PLCB2: variants seen among roughly 807,000 people sequenced by gnomAD.
PLCB2 encodes phospholipase C beta 2, also known as 1-phosphatidylinositol 4,5-bisphosphate phosphodiesterase beta-2.
In PLCB2, 115 loss-of-function variants were observed where a neutral mutation model predicts 141.7. The observed-to-expected ratio is 0.81, with a 90% CI of 0.70 to 0.95. PLCB2 has a LOEUF of 0.95. PLCB2 is among the 40% of genes least tolerant of loss of function. PLCB2 has a pLI of 0.00. For missense variants in PLCB2, 1,403 were observed against 1,541.1 expected (o/e 0.91, Z 1.50); for synonymous variants, 603 against 595.6 (o/e 1.01, Z -0.18).
At position 40,288,095 on chromosome 15, in the gene PLCB2, C is replaced by G. The variant is rs2039652578; in HGVS notation, c.*620G>C. The G allele has an allele frequency of 1.2e-5, 12 of 985,440 alleles. No homozygotes were observed. Among genetic ancestry groups the G allele is most frequent in the Non-Finnish European group, 1.4e-5 (12 of 829,898 alleles). 61.0% of individuals were successfully genotyped at this position (985,440 alleles called of 1,614,324 possible). On this transcript the variant is annotated 3_prime_UTR_variant, in exon 32 of 32. Transcript: ENST00000260402. ...GTCAGGGTGGAACAGCACCCAAGAGCCCACTGCCCCTTGTGACTCAGCCAA... is the reference window on the plus strand; with the variant it reads ...GTCAGGGTGGAACAGCACCCAAGAGGCCACTGCCCCTTGTGACTCAGCCAA...
chr15:40,301,580 C>A (rs1434601813), intron 7 of PLCB2: 7 of 702,958 alleles, frequency 1.0e-5, no homozygotes, highest in Non-Finnish European at 1.3e-5. Context: ...CTGCCGCCTG[C>A]CACTGCCGAC....
chr15:40,293,773 C>G (rs2040054327), intron 19 of PLCB2, 49 bp from the exon 20 acceptor site: 2 of 1,588,592 alleles, frequency 1.3e-6, no homozygotes, highest in Non-Finnish European at 1.7e-6. Context: ...CACCCAGGCT[C>G]TTCCCCAAGC....
intron 24 of PLCB2, 97 bp downstream of exon 24, chr15:40,291,752 G>A (rs1473740024): frequency 1.2e-6 from 2 of 1,603,112 alleles, no homozygotes; most frequent in Non-Finnish European, 8.5e-7. Context: ...TGTGCCCCCT[G>A]CCCCGCACTT....
rs1209441333 is a variant in PLCB2, at chr15:40,299,381, G to A, written c.583-153C>T. 5.1e-6 allele frequency: 3 copies of A among 593,724 alleles called. No homozygotes were observed. The Admixed American group carries it at 8.7e-5, about 17-fold the overall frequency. 36.8% of individuals were successfully genotyped at this position (593,724 alleles called of 1,614,324 possible). A position where few individuals can be genotyped will look rare whatever the true frequency, so the allele number is the denominator to read the frequency against. On this transcript the variant is annotated intron_variant, in intron 7 of 31. Coordinates refer to ENST00000260402, the MANE Select transcript of PLCB2 (RefSeq NM_004573.3). Reference sequence around the variant, plus strand: ...GGACACCCAAGCATCCACTTCTCAAGGCCCTGGTTGCTGAGCAGAGAGCAT... The same window carrying A: ...GGACACCCAAGCATCCACTTCTCAAAGCCCTGGTTGCTGAGCAGAGAGCAT...
chr15:40,284,643 C>T, downstream of PLCB2: 1 of 438,484 alleles, frequency 2.3e-6, no homozygotes, highest in Non-Finnish European at 4.5e-6. Context: ...GGATCGAGAC[C>T]ATCCTGGCCA....
At position 40,297,732 on chromosome 15, in the gene PLCB2, A is replaced by C; in HGVS notation, c.1239-127T>G. On this transcript the variant is annotated intron_variant, in intron 12 of 31. Coordinates refer to ENST00000260402, the MANE Select transcript of PLCB2 (RefSeq NM_004573.3). This position sits in a 1 kb window ranked among gnomAD's most constrained non-coding sequence, Gnocchi z 4.2. ...AGGGAGGCTGGGACTCGAGCAGGAG[A>C]ACATGAGGCCTTAGGGTGATTATAC... 13 of 942,610 alleles carry C rather than the reference A, an allele frequency of 1.4e-5. No individual in the cohort carries two copies. The highest frequency in any genetic ancestry group is 2.2e-5 in the Non-Finnish European group (13 of 595,266). The allele number at this position is 942,610 out of a possible 1,614,324, so 58.4% of individuals were successfully genotyped here. A position where few individuals can be genotyped will look rare whatever the true frequency, so the allele number is the denominator to read the frequency against.
Position 40,298,592 on chromosome 15 carries a change from T to C in PLCB2, c.967A>G (p.Ile323Val), listed in dbSNP as rs930322531. ...DMTQPLNHYF[I>V]NSSHNTYLTA... is the part of the protein sequence containing the mutation. ...AGGTAGGTGTTGTGGGACGAGTTGA[T>C]GAAGTAATGATTGAGTGGCTGCGTC... Residue 323 changes from isoleucine (I) to valine (V), a missense_variant, in exon 10 of 32, where the codon ATC (isoleucine) becomes GTC (valine). This residue lies in a region of PLCB2 where 975 missense variants were observed against 1,141.1 expected (regional missense o/e 0.85). Coordinates refer to ENST00000260402, the MANE Select transcript of PLCB2 (RefSeq NM_004573.3). 6.8e-6 allele frequency: 11 copies of C among 1,614,056 alleles called. No individual in the cohort carries two copies. The highest frequency in any genetic ancestry group is 1.6e-4 in the Middle Eastern group (1 of 6,084).
At chr15:40,290,201 G>A in intron 29 of PLCB2, 119 bp from the exon 30 acceptor site, 2 of 739,588 alleles carry the variant, frequency 2.7e-6, no homozygotes, top group Non-Finnish European at 2.5e-6. Flanking sequence ...GAACCAGCTG[G>A]GGGCAGGTGT....
chr15:40,285,838 T>C (rs2039602307), downstream of PLCB2: 1 of 985,330 alleles, frequency 1.0e-6, no homozygotes, highest in African/African-American at 1.7e-5. Context: ...AAACCCAGAA[T>C]GGGCACTTTC....
chr15:40,295,658 A>C (rs1369206640), intron 16 of PLCB2, among the ~76,000 whole-genome samples: 1 of 152,204 alleles, frequency 6.6e-6, no homozygotes, highest in African/African-American at 2.4e-5. Flanking sequence ...GGAGTGAGGT[A>C]TGTAAGCTAT....
rs781149428 is a variant in PLCB2, at chr15:40,291,325, G to C, written c.2810C>G (p.Pro937Arg). The stretch of plus-strand genomic sequence containing the variant: ...GCAGGCCCCGACGCCCCCCACGCCC[G>C]GTGGCCCGAGCTCCGCCAGCTGCGC... ...GAAQLAELGPPGVGGVGACKL... is the reference protein window; with the variant it reads ...GAAQLAELGPRGVGGVGACKL... The change falls in exon 26 of 32, where the codon CCG (proline) becomes CGG (arginine). Residue 937 changes from proline to arginine, a missense_variant. Physicochemically the swap from Pro to Arg is moderately radical, Grantham distance 103. Transcript: ENST00000260402. 1 of 1,535,334 alleles carries C rather than the reference G, an allele frequency of 6.5e-7. No homozygotes were observed. Among genetic ancestry groups the C allele is most frequent in the Non-Finnish European group, 8.7e-7 (1 of 1,148,732 alleles).
At chr15:40,291,788 A>AAGAG in intron 24 of PLCB2, 61 bp downstream of exon 24, 1 of 1,611,840 alleles carries the variant, frequency 6.2e-7, no homozygotes, top group Non-Finnish European at 8.5e-7. Context: ...TTTTAAAGGG[A>AAGAG]AGTGCCTGTG....
chr15:40,303,248 T>A, intron 3 of PLCB2, 40 bp downstream of exon 3: 2 of 1,459,614 alleles, frequency 1.4e-6, no homozygotes, highest in Non-Finnish European at 1.9e-6. Flanking sequence ...ATGGAGCTAG[T>A]AGCTGTGCTT....
downstream of PLCB2, chr15:40,285,566 C>T (rs1400592574): frequency 3.0e-6 from 3 of 985,260 alleles, no homozygotes; most frequent in African/African-American, 1.7e-5. Context: ...AGAGCTAGGG[C>T]CCCCTTCTGG....
intron 17 of PLCB2, 33 bp from the exon 18 acceptor site, chr15:40,295,093 A>G: frequency 6.2e-7 from 1 of 1,609,686 alleles, no homozygotes. Context: ...AGCCAAGGCC[A>G]TCTGCACCAG....
At position 40,302,442 on chromosome 15, in the gene PLCB2, A is replaced by G. The variant is rs777824059; in HGVS notation, c.372+27T>C. 1.4e-5 allele frequency: 23 copies of G among 1,613,320 alleles called. No individual in the cohort carries two copies. The African/African-American group carries it at 2.7e-4, about 19-fold the overall frequency. ...AGTCCAGGCTATCCCAGGGGCCCAG[A>G]CCCAGGCCCAGTGCTCCCTGGCACA... On this transcript the variant is annotated intron_variant, in intron 4 of 31. Coordinates refer to ENST00000260402, the MANE Select transcript of PLCB2 (RefSeq NM_004573.3).
chr15:40,307,573 C>A lies in PLCB2; in HGVS notation c.84+16G>T. On this transcript the variant is annotated intron_variant, in intron 1 of 31. Transcript: ENST00000260402. ...CCACCTGGTGCTCCAGCAGCTGAGG[C>A]CCCTGCCCCACTTACATCATCCCAT... The A allele has an allele frequency of 2.0e-6, 3 of 1,524,638 alleles. No homozygotes were observed. The highest frequency in any genetic ancestry group is 1.4e-5 in the African/African-American group (1 of 72,474). The allele number at this position is 1,524,638 out of a possible 1,614,324, so 94.4% of individuals were successfully genotyped here. A position where few individuals can be genotyped will look rare whatever the true frequency, so the allele number is the denominator to read the frequency against.
downstream of PLCB2, chr15:40,285,921 G>GTCTC: frequency 2.0e-6 from 2 of 985,494 alleles, no homozygotes; most frequent in Non-Finnish European, 2.4e-6. Context: ...GTGGTGGATT[G>GTCTC]AGACAGTTCC....
chr15:40,287,933 G>T lies in PLCB2; in HGVS notation c.*782C>A. 1 of 983,936 alleles carries T rather than the reference G, an allele frequency of 1.0e-6. No individual in the cohort carries two copies. The highest frequency in any genetic ancestry group is 1.2e-6 in the Non-Finnish European group (1 of 828,562). The allele number at this position is 983,936 out of a possible 1,614,324, so 61.0% of individuals were successfully genotyped here. ...ACACTGGGACGAGGTTCTTTAATAG[G>T]AGTAGGAAAGAGAAAAATAAATAAA... On this transcript the variant is annotated 3_prime_UTR_variant, in exon 32 of 32. Transcript: ENST00000260402.
Sources: gnomAD v4.1 joint callset for allele counts (sites outside exome capture counted in the v4.1 genomes callset) on GRCh38, gnomAD v4.1.1 for gene constraint, gnomAD v4.1.1 regional missense constraint, Gnocchi (gnomAD v3.1) non-coding constraint, MANE v1.5 for transcripts, NCBI Gene and HGNC (gene_info 2026-07-23, HGNC 2026-07-21) for gene names.